Variants in MAF observed in about 807,000 individuals in gnomAD.
MAF encodes the protein transcription factor Maf.
MAF carries 10 observed loss-of-function variants against 22.0 expected under a neutral mutation model. The observed-to-expected ratio is 0.45, with a 90% confidence interval of 0.28 to 0.77. The LOEUF (loss-of-function observed/expected upper bound fraction) is 0.77, where lower values mean the gene tolerates loss of function less well. Ranked by LOEUF, MAF falls within the 30% of genes least tolerant of loss-of-function variation. MAF has a pLI of 0.12. For synonymous variants in MAF, 337 were observed against 255.8 expected (o/e 1.32, Z -3.03); for missense variants, 544 against 548.4 (o/e 0.99, Z 0.08).
the MAF span, among the ~76,000 whole-genome samples, chr16:79,422,915 TA>T: frequency 6.6e-6 from 1 of 151,974 alleles, no homozygotes; most frequent in Non-Finnish European, 1.5e-5. Context: ...GTTAAGCAAA[TA>T]AGATAACTTC....
chr16:79,385,820 G>C, the MAF span, among the ~76,000 whole-genome samples: 1 of 152,190 alleles, frequency 6.6e-6, no homozygotes, highest in Non-Finnish European at 1.5e-5. Context: ...AGAATTACTT[G>C]AACCTGTGTC....
the MAF span, among the ~76,000 whole-genome samples, chr16:79,403,549 T>C: frequency 6.6e-6 from 1 of 152,164 alleles, no homozygotes; most frequent in Admixed American, 6.5e-5. Flanking sequence ...TCCTTCTCTT[T>C]GCCTCCCTTA....
At chr16:79,383,362 CA>C in the MAF span, among the ~76,000 whole-genome samples, 1 of 151,732 alleles carries the variant, frequency 6.6e-6, no homozygotes, top group Non-Finnish European at 1.5e-5. Context: ...CTCAAGAAAT[CA>C]AGAAGGAAAT....
At chr16:79,472,558 C>T in the MAF span, among the ~76,000 whole-genome samples, 12 of 151,986 alleles carry the variant, frequency 7.9e-5, no homozygotes, top group Non-Finnish European at 1.8e-4. Context: ...TTAAAATGTC[C>T]ACTGTAGGCA....
the MAF span, among the ~76,000 whole-genome samples, chr16:79,545,549 G>C: frequency 4.6e-5 from 7 of 151,144 alleles, no homozygotes; most frequent in Non-Finnish European, 8.8e-5. Context: ...GATTTCAATA[G>C]AAAATCGTGG....
chr16:79,256,107 G>A, the MAF span, among the ~76,000 whole-genome samples: 7 of 149,684 alleles, frequency 4.7e-5, no homozygotes, highest in South Asian at 2.1e-4. Context: ...TCAGTCTCCC[G>A]AGTAGCTGGG....
the MAF span, among the ~76,000 whole-genome samples, chr16:79,571,649 G>A: frequency 1.3e-5 from 2 of 148,512 alleles, no homozygotes; most frequent in Non-Finnish European, 3.0e-5. Flanking sequence ...TAGGCCAAAC[G>A]TAGTGGGTTC....
chr16:79,585,913 T>G (rs372784088), exon 2 of MAF: 2 of 686,438 alleles, frequency 2.9e-6, no homozygotes, highest in African/African-American at 1.8e-5. Flanking sequence ...TTTTTTCACA[T>G]CACTGATGTA....
chr16:79,276,758 T>C, the MAF span, among the ~76,000 whole-genome samples: 1 of 152,116 alleles, frequency 6.6e-6, no homozygotes, highest in South Asian at 2.1e-4. Context: ...TTCCTGGGAT[T>C]GCCTAACAAA....
the MAF span, among the ~76,000 whole-genome samples, chr16:79,348,375 G>A: frequency 4.6e-5 from 7 of 152,206 alleles, no homozygotes; most frequent in Non-Finnish European, 8.8e-5. Context: ...AATATGATCG[G>A]GGTTTACAGC....
chr16:79,595,757 G>A (rs1489757095), intron 1 of MAF: 1 of 1,056,580 alleles, frequency 9.5e-7, no homozygotes, highest in Non-Finnish European at 1.1e-6. Flanking sequence ...GGGATAGCAT[G>A]ATCTGAAATC....
At chr16:79,505,477 C>T in the MAF span, 1 of 152,192 alleles carries the variant, frequency 6.6e-6, no homozygotes, top group Non-Finnish European at 1.5e-5. Flanking sequence ...AAAAGGGGAC[C>T]CGTTGTTCCT....
the MAF span, among the ~76,000 whole-genome samples, chr16:79,431,687 G>A: frequency 1.9e-4 from 29 of 152,252 alleles, no homozygotes; most frequent in African/African-American, 7.0e-4. Flanking sequence ...ACTCAAAGGC[G>A]CCACTTTCAT....
chr16:79,421,637 G>T, the MAF span, among the ~76,000 whole-genome samples: 46 of 105,112 alleles, frequency 4.4e-4, no homozygotes, highest in Admixed American at 3.7e-3. Context: ...GAAGAAAAGT[G>T]ATTTTTTTTT....
the MAF span, among the ~76,000 whole-genome samples, chr16:79,294,514 G>A: frequency 6.6e-6 from 1 of 152,176 alleles, no homozygotes; most frequent in Non-Finnish European, 1.5e-5. Flanking sequence ...GCCACTGATA[G>A]AATTTGAAGC....
the MAF span, among the ~76,000 whole-genome samples, chr16:79,319,296 G>A: frequency 6.6e-6 from 1 of 152,208 alleles, no homozygotes; most frequent in Non-Finnish European, 1.5e-5. Context: ...AAGCGGGGGA[G>A]AGGACTTAAT....
chr16:79,311,011 C>G, the MAF span, among the ~76,000 whole-genome samples: 1 of 146,940 alleles, frequency 6.8e-6, no homozygotes, highest in African/African-American at 2.5e-5. Context: ...GCTGCGGCTG[C>G]TTTTTCATTT....
the MAF span, among the ~76,000 whole-genome samples, chr16:79,278,907 G>A: frequency 6.6e-6 from 1 of 152,192 alleles, no homozygotes; most frequent in African/African-American, 2.4e-5. Context: ...TGGTGTACCA[G>A]GTTCCTGGGG....
the MAF span, among the ~76,000 whole-genome samples, chr16:79,566,892 C>T: frequency 6.6e-6 from 1 of 152,178 alleles, no homozygotes; most frequent in Non-Finnish European, 1.5e-5. Context: ...GATGTAGGGA[C>T]CCTCTTTCCA....
Sources: gnomAD v4.1 joint callset for allele counts (sites outside exome capture counted in the v4.1 genomes callset) on GRCh38, gnomAD v4.1.1 for gene constraint, MANE v1.5 for transcripts, NCBI Gene and HGNC (gene_info 2026-07-23, HGNC 2026-07-21) for gene names.